INO80: variants seen among roughly 807,000 people sequenced by gnomAD.
INO80 encodes the protein chromatin-remodeling ATPase INO80.
INO80 carries 20 observed loss-of-function variants against 203.4 expected under a neutral mutation model. The observed-to-expected ratio is 0.10, with a 90% CI of 0.07 to 0.14. INO80 has a LOEUF of 0.14. Among genes scored for constraint, INO80 ranks in the 10% least tolerant of loss-of-function variants. The pLI, the probability that INO80 is intolerant of heterozygous loss-of-function variation, is 1.00. For synonymous variants in INO80, 726 were observed against 685.2 expected, an observed-to-expected ratio of 1.06 and a Z score of -0.93; for missense variants, 1,419 against 1,914.4, an observed-to-expected ratio of 0.74 and a Z score of 4.83.
At chr15:40,980,581 T>C in intron 35 of INO80, 141 bp from the exon 36 acceptor site, 1 of 636,894 alleles carries the variant, frequency 1.6e-6, no homozygotes, top group East Asian at 2.8e-5. Context: ...TAACAACTTC[T>C]TGGCATGTTT....
At chr15:41,006,830 G>C (rs1411337815) in intron 27 of INO80, among the ~76,000 whole-genome samples, 2 of 152,100 alleles carry the variant, frequency 1.3e-5, no homozygotes, top group African/African-American at 2.4e-5. Flanking sequence ...TACCATTTCT[G>C]TCTCAAAGTG....
At chr15:40,993,707 C>G (rs550813665) in intron 29 of INO80, among the ~76,000 whole-genome samples, 21 of 151,870 alleles carry the variant, frequency 1.4e-4, no homozygotes, top group African/African-American at 4.8e-4. Flanking sequence ...TGAAGTGAGC[C>G]GAGATCAAGC....
At chr15:41,014,080 G>A (rs2044168891) in intron 27 of INO80, among the ~76,000 whole-genome samples, 2 of 152,178 alleles carry the variant, frequency 1.3e-5, no homozygotes, top group Non-Finnish European at 1.5e-5. Flanking sequence ...AATATTTAAT[G>A]AGAACCTAGA....
intron 1 of INO80, among the ~76,000 whole-genome samples, chr15:41,106,266 C>G (rs2045879179): frequency 6.6e-6 from 1 of 151,860 alleles, no homozygotes; most frequent in Non-Finnish European, 1.5e-5. Flanking sequence ...CACCTATAGT[C>G]CCAGCTACCT....
At chr15:41,065,319 T>A (rs1268043963) in intron 14 of INO80, among the ~76,000 whole-genome samples, 2 of 151,440 alleles carry the variant, frequency 1.3e-5, no homozygotes, top group Admixed American at 1.3e-4. Flanking sequence ...ACCCCTGTAG[T>A]CCCAGCTACT....
chr15:41,066,846 C>CAAAAAAAAAAAAAAAAAAAAAAAAAAA (rs58118605), intron 14 of INO80, among the ~76,000 whole-genome samples: 1 of 70,624 alleles, frequency 1.4e-5, no homozygotes. Flanking sequence ...AAAAAAAAAG[C>CAAAAAAAAAAAAAAAAAAAAAAAAAAA]AAAAAAAAAA....
intron 14 of INO80, among the ~76,000 whole-genome samples, chr15:41,064,046 A>C (rs1439490846): frequency 6.6e-6 from 1 of 152,226 alleles, no homozygotes; most frequent in Non-Finnish European, 1.5e-5. Context: ...CAAATCCATA[A>C]TCATGGTATG....
In INO80 at chr15:41,116,115, G is replaced by C. The variant is rs930512559; in HGVS notation, c.-186C>G. On this transcript the variant is annotated 5_prime_UTR_variant, in exon 1 of 36. Transcript: ENST00000648947. ...GTGGGACGGTGACTGCGTTGGGCGT[G>C]GACGCTCCTAGCTCGCTCCCTCCGC... 7.5e-6 allele frequency: 3 copies of C among 397,562 alleles called. No homozygotes were observed. Among genetic ancestry groups the C allele is most frequent in the Middle Eastern group, 6.3e-4 (1 of 1,582 alleles). 24.6% of individuals were successfully genotyped at this position (397,562 alleles called of 1,614,324 possible).
intron 24 of INO80, among the ~76,000 whole-genome samples, chr15:41,042,677 T>C (rs1466822682): frequency 1.3e-5 from 2 of 152,116 alleles, no homozygotes; most frequent in Non-Finnish European, 2.9e-5. Flanking sequence ...TTTCACTACG[T>C]TGGCCAGGCT....
At position 41,096,226 on chromosome 15, in the gene INO80, G is replaced by C. The variant is rs763897418; in HGVS notation, c.85C>G (p.Leu29Val). Residue 29 changes from leucine (L) to valine (V), a missense_variant, in exon 2 of 36, where the codon CTC becomes GTC. This residue lies in a region of INO80 where 323 missense variants were observed against 325.4 expected (regional missense o/e 0.99). Transcript: ENST00000648947. Reference protein sequence around the residue: ...PLYLQYLERALRLDHFLRQTS... With the variant: ...PLYLQYLERAVRLDHFLRQTS... ...TGTCGCAGAAAATGGTCCAACCGGAGGGCCCTCTCCAAGTACTGAAGATAG... is the reference window on the plus strand; with the variant it reads ...TGTCGCAGAAAATGGTCCAACCGGACGGCCCTCTCCAAGTACTGAAGATAG... The C allele has an allele frequency of 6.2e-7, 1 of 1,613,328 alleles. No individual in the cohort carries two copies. Among genetic ancestry groups the C allele is most frequent in the East Asian group, 2.2e-5 (1 of 44,854 alleles).
chr15:41,013,104 C>CCACAACAACA (rs2044155887), intron 27 of INO80: 3 of 150,524 alleles, frequency 2.0e-5, no homozygotes, highest in Admixed American at 6.6e-5. Context: ...CAACAACAAC[C>CCACAACAACA]ACCACAACAA....
At chr15:41,019,159 G>A (rs2044252100) in intron 26 of INO80, among the ~76,000 whole-genome samples, 1 of 152,140 alleles carries the variant, frequency 6.6e-6, no homozygotes, top group African/African-American at 2.4e-5. Flanking sequence ...ACATCTTTCT[G>A]GTGAAACATG....
chr15:40,986,789 C>A (rs1006874623), intron 31 of INO80, among the ~76,000 whole-genome samples: 3 of 152,026 alleles, frequency 2.0e-5, no homozygotes, highest in African/African-American at 7.2e-5. Flanking sequence ...CCATGCCCAA[C>A]TAATTTTTTG....
In INO80 at chr15:41,074,724, G is replaced by C. The variant is rs181550152; in HGVS notation, c.1132-159C>G. On this transcript the variant is annotated intron_variant, in intron 9 of 35. Coordinates refer to ENST00000648947, the MANE Select transcript of INO80 (RefSeq NM_017553.3). ...AAACAATTTTAATTTAGCCAAGTCA[G>C]TGGCACTAAAAGCAATGAATAAATT... Among the ~76,000 whole-genome samples the C allele has an allele frequency of 1.4e-3, 220 of 152,264 alleles. 1 individual carries two copies. Among genetic ancestry groups the C allele is most frequent in the Non-Finnish European group, 2.0e-3 (136 of 68,036 alleles).
At chr15:40,997,048 A>G (rs747034166) in intron 29 of INO80, among the ~76,000 whole-genome samples, 1 of 152,186 alleles carries the variant, frequency 6.6e-6, no homozygotes, top group Non-Finnish European at 1.5e-5. Context: ...AGGCTGAGGC[A>G]GGTGGATCAC....
chr15:41,051,920 T>C (rs2044880983), intron 19 of INO80, among the ~76,000 whole-genome samples: 1 of 151,988 alleles, frequency 6.6e-6, no homozygotes, highest in South Asian at 2.1e-4. Context: ...ATCGCGCCAC[T>C]GCACTCCAGC....
intron 9 of INO80, among the ~76,000 whole-genome samples, chr15:41,076,938 C>T (rs1443219473): frequency 1.3e-5 from 2 of 151,942 alleles, no homozygotes; most frequent in African/African-American, 4.8e-5. Context: ...GATGGAGTCT[C>T]GCTCTCTCAC....
chr15:41,034,184 C>A (rs1167441598), intron 24 of INO80, among the ~76,000 whole-genome samples: 1 of 152,190 alleles, frequency 6.6e-6, no homozygotes, highest in South Asian at 2.1e-4. Context: ...GCTAATAATA[C>A]AAGAATGGTA....
intron 14 of INO80, among the ~76,000 whole-genome samples, chr15:41,062,375 A>G (rs985961644): frequency 4.6e-5 from 7 of 151,854 alleles, no homozygotes; most frequent in African/African-American, 1.7e-4. Context: ...GCTGAGGCGG[A>G]TGGATCACCT....
Sources: allele counts gnomAD v4.1 joint callset (sites outside exome capture counted in the v4.1 genomes callset), GRCh38; gene constraint gnomAD v4.1.1; regional missense constraint gnomAD v4.1.1; transcripts MANE v1.5; gene names NCBI Gene and HGNC (gene_info 2026-07-23, HGNC 2026-07-21).